Variants in STAT2 observed in about 807,000 individuals in gnomAD.
STAT2 encodes signal transducer and activator of transcription 2.
A neutral mutation model predicts 122.3 loss-of-function variants in STAT2; 51 were observed. The ratio of observed to expected loss-of-function variants is 0.42; its 90% confidence interval spans 0.33 to 0.53. The LOEUF (loss-of-function observed/expected upper bound fraction) is 0.53, where lower values mean the gene tolerates loss of function less well. Among genes scored for constraint, STAT2 ranks in the 20% least tolerant of loss-of-function variants. The pLI is 0.10. For synonymous variants in STAT2, 351 were observed against 394.9 expected, an observed-to-expected ratio of 0.89 and a Z score of 1.32; for missense variants, 736 against 1,010.3, an observed-to-expected ratio of 0.73 and a Z score of 3.68.
chr12:56,360,068 T>C lies in STAT2; in HGVS notation c.-18A>G, dbSNP rs1486143376. 4 of 984,052 alleles carry C rather than the reference T, an allele frequency of 4.1e-6. No individual in the cohort carries two copies. Among genetic ancestry groups the C allele is most frequent in the African/African-American group, 3.5e-5 (2 of 56,650 alleles). 61.0% of individuals were successfully genotyped at this position (984,052 alleles called of 1,614,324 possible). On this transcript the variant is annotated 5_prime_UTR_variant, in exon 1 of 24. Coordinates refer to ENST00000314128, the MANE Select transcript of STAT2 (RefSeq NM_005419.4). ...TCTCAGGGCCCGTACCTGATTAGGGTTGCAGTCCCCGCGCCCTCCAATGGC... is the reference window on the plus strand; with the variant it reads ...TCTCAGGGCCCGTACCTGATTAGGGCTGCAGTCCCCGCGCCCTCCAATGGC...
chr12:56,348,975 C>G lies in STAT2; in HGVS notation c.1525G>C (p.Gly509Arg). ...AGCTGGTCTGAGTTGAGGCCTCGGC[C>G]AACATAGGAGGAGAACTGCCAACTG... ...ALSWQFSSYVGRGLNSDQLSM... is the reference protein window; with the variant it reads ...ALSWQFSSYVRRGLNSDQLSM... The change falls in exon 17 of 24, where the codon GGC (glycine) becomes CGC (arginine). Residue 509 changes from glycine (G) to arginine (R), a missense_variant. Transcript: ENST00000314128. The G allele has an allele frequency of 6.2e-7, 1 of 1,613,840 alleles. No individual in the cohort carries two copies. The highest frequency in any genetic ancestry group is 8.5e-7 in the Non-Finnish European group (1 of 1,179,948).
chr12:56,348,966 G>A lies in STAT2; in HGVS notation c.1534C>T (p.Leu512Phe). Residue 512 changes from leucine to phenylalanine, a missense_variant, in exon 17 of 24, where the codon CTC becomes TTC. Leu to Phe is a conservative substitution (Grantham distance 22). Coordinates refer to ENST00000314128, the MANE Select transcript of STAT2 (RefSeq NM_005419.4). ...WQFSSYVGRGLNSDQLSMLRN... is the reference protein window; with the variant it reads ...WQFSSYVGRGFNSDQLSMLRN... ...AGCATGCTCAGCTGGTCTGAGTTGAGGCCTCGGCCAACATAGGAGGAGAAC... is the reference window on the plus strand; with the variant it reads ...AGCATGCTCAGCTGGTCTGAGTTGAAGCCTCGGCCAACATAGGAGGAGAAC... 1 of 1,613,944 alleles carries A rather than the reference G, an allele frequency of 6.2e-7. No individual in the cohort carries two copies. Among genetic ancestry groups the A allele is most frequent in the Non-Finnish European group, 8.5e-7 (1 of 1,179,970 alleles).
rs2136031678 is a variant in STAT2 at position 56,343,413 on chromosome 12, T to G, written c.2532A>C (p.Gly844=). The G allele has an allele frequency of 1.9e-6, 3 of 1,613,974 alleles. No homozygotes were observed. The highest frequency in any genetic ancestry group is 1.7e-4 in the Middle Eastern group (1 of 6,060). Residue 844 remains glycine, a synonymous_variant, in exon 24 of 24, where the codon GGA becomes GGC. Transcript: ENST00000314128. ...CCTAGAAGTCAGAAGGCATCAAGGG[T>G]CCATCAGTGTAGAAGTGGCTGGGGC... ...VSRPSHFYTD[G]PLMPSDF
chr12:56,356,923 T>C (rs922068673), intron 1 of STAT2, among the ~76,000 whole-genome samples: 2 of 151,472 alleles, frequency 1.3e-5, no homozygotes, highest in African/African-American at 4.9e-5. Context: ...AAATCTGAAA[T>C]GGTCCAAAAT....
intron 1 of STAT2, among the ~76,000 whole-genome samples, chr12:56,358,822 G>C (rs1006098048): frequency 3.9e-5 from 6 of 152,128 alleles, no homozygotes. Context: ...CTTGTACCCA[G>C]GAGGCAGGGG....
intron 22 of STAT2, among the ~76,000 whole-genome samples, chr12:56,344,966 C>T (rs1877131851): frequency 6.6e-6 from 1 of 151,330 alleles, no homozygotes; most frequent in African/African-American, 2.4e-5. Context: ...TGAGATCGTG[C>T]CACTGCACTC....
rs1358753161 is a variant in STAT2 at position 56,356,418 on chromosome 12, C to T, written c.131+23G>A. On this transcript the variant is annotated intron_variant, in intron 2 of 23. Transcript: ENST00000314128. ...AAGTAAGGAACCACCTTTTTCATTC[C>T]CCCAACTTCCTGAAGGCCTCACCAG... 1.9e-6 allele frequency: 3 copies of T among 1,610,076 alleles called. No homozygotes were observed. The South Asian group carries it at 3.3e-5, about 18-fold the overall frequency.
chr12:56,349,874 C>A, intron 13 of STAT2: 2 of 644,740 alleles, frequency 3.1e-6, no homozygotes, highest in Non-Finnish European at 2.7e-6. Context: ...TATGGTGAAA[C>A]CCTATCTCTA....
chr12:56,347,792 G>A (rs935716364), intron 19 of STAT2, among the ~76,000 whole-genome samples: 7 of 152,090 alleles, frequency 4.6e-5, no homozygotes, highest in South Asian at 4.1e-4. Context: ...GTGAGCCATC[G>A]TGCCTGGTCA....
Position 56,354,878 on chromosome 12 carries a change from C to T in STAT2, c.548-15G>A, listed in dbSNP as rs201328797. ...GGGTGTCTTCCCTGGATGGTGGGAA[C>T]AGGAGTCAGTCCAGGGGTTCTTTCC... On this transcript the variant is annotated splice_polypyrimidine_tract_variant and intron_variant, in intron 6 of 23. Transcript: ENST00000314128. 5.8e-5 allele frequency: 93 copies of T among 1,613,180 alleles called. No homozygotes were observed. The African/African-American group carries it at 1.1e-3, about 18-fold the overall frequency.
rs1020995725 is a variant in STAT2, at chr12:56,346,643, A to G, written c.1862-19T>C. 43 of 1,613,220 alleles carry G rather than the reference A, an allele frequency of 2.7e-5. No individual in the cohort carries two copies. Among genetic ancestry groups the G allele is most frequent in the Non-Finnish European group, 3.2e-5 (38 of 1,179,544 alleles). ...ACCTTGTCTGGAGAGTGAATGCAGG[A>G]ACAGGCGGGCTTGAGGGAAGAGGCC... On this transcript the variant is annotated intron_variant, in intron 20 of 23. Coordinates refer to ENST00000314128, the MANE Select transcript of STAT2 (RefSeq NM_005419.4).
At chr12:56,348,863 A>G (rs1877968982) in intron 17 of STAT2, 59 bp from the exon 18 acceptor site, 1 of 1,614,028 alleles carries the variant, frequency 6.2e-7, no homozygotes, top group Admixed American at 1.7e-5. Context: ...TGGGATAGAT[A>G]GGACAGAGGG....
chr12:56,348,473 C>A lies in STAT2; in HGVS notation c.1724+56G>T, dbSNP rs1251543645. ...CTTGCCACGTGAGGGTGCAGAGACT[C>A]CACTCTCAAGCCCGGAAAGCACAAG... On this transcript the variant is annotated intron_variant, in intron 19 of 23. Transcript: ENST00000314128. The A allele has an allele frequency of 1.1e-5, 17 of 1,573,618 alleles. No homozygotes were observed. The African/African-American group carries it at 1.1e-4, about 10-fold the overall frequency.
chr12:56,352,701 C>T (rs1178403280), intron 8 of STAT2, among the ~76,000 whole-genome samples: 1 of 140,918 alleles, frequency 7.1e-6, no homozygotes, highest in African/African-American at 3.2e-5. Flanking sequence ...TTTTTTTAAT[C>T]TACTTTTTTT....
At chr12:56,353,132 C>T (rs369106706) in intron 8 of STAT2, among the ~76,000 whole-genome samples, 2 of 152,208 alleles carry the variant, frequency 1.3e-5, no homozygotes, top group East Asian at 3.9e-4. Context: ...TACAGGCATG[C>T]GCCACCACAC....
chr12:56,360,014 C>G (rs946880647), intron 1 of STAT2, 44 bp downstream of exon 1: 26 of 983,006 alleles, frequency 2.6e-5, no homozygotes, highest in Non-Finnish European at 3.1e-5. Context: ...AACTCTCACT[C>G]TCACCCCCAC....
chr12:56,344,812 C>T (rs1208382397), intron 22 of STAT2, among the ~76,000 whole-genome samples: 7 of 152,178 alleles, frequency 4.6e-5, no homozygotes, highest in African/African-American at 1.7e-4. Context: ...TGAGACCAGC[C>T]TGGCCAATAT....
chr12:56,350,069 A>G (rs1233983167), intron 13 of STAT2, 28 bp downstream of exon 13: 1 of 1,570,360 alleles, frequency 6.4e-7, no homozygotes, highest in Admixed American at 1.8e-5. Context: ...AAATAGTAAT[A>G]AAAGCATAGG....
chr12:56,350,141 C>T lies in STAT2; in HGVS notation c.1165G>A (p.Glu389Lys), dbSNP rs1565653029. 4.3e-6 allele frequency: 7 copies of T among 1,613,428 alleles called. No homozygotes were observed. Among genetic ancestry groups the T allele is most frequent in the Non-Finnish European group, 5.9e-6 (7 of 1,179,888 alleles). ...LTSNQKTLTP[E>K]KGQSQGLIWD... ...ATCAAACCCTGACTCTGCCCCTTCT[C>T]GGGGGTCAAAGTTTTCTGGTTTGAA... The change falls in exon 13 of 24, where the codon GAG becomes AAG. Residue 389 changes from glutamate to lysine, a missense_variant. Physicochemically the swap from Glu to Lys is moderately conservative, Grantham distance 56. Transcript: ENST00000314128.
Sources: gnomAD v4.1 joint callset for allele counts (sites outside exome capture counted in the v4.1 genomes callset) on GRCh38, gnomAD v4.1.1 for gene constraint, MANE v1.5 for transcripts, NCBI Gene and HGNC (gene_info 2026-07-23, HGNC 2026-07-21) for gene names.